PDE4D: variants seen among roughly 807,000 people sequenced by gnomAD.
PDE4D encodes the protein 3',5'-cyclic-AMP phosphodiesterase 4D.
In PDE4D, 24 loss-of-function variants were observed where a neutral mutation model predicts 87.4. The ratio of observed to expected loss-of-function variants is 0.27; its 90% CI spans 0.20 to 0.39. The LOEUF (loss-of-function observed/expected upper bound fraction) is 0.39. Among genes scored for constraint, PDE4D ranks in the 10% least tolerant of loss-of-function variants. The pLI, the probability that PDE4D is intolerant of heterozygous loss-of-function variation, is 1.00. For synonymous variants in PDE4D, 384 were observed against 383.2 expected, an observed-to-expected ratio of 1.00 and a Z score of -0.02; for missense variants, 714 against 1,041.0, an observed-to-expected ratio of 0.69 and a Z score of 4.32.
At chr5:59,602,250 T>A (rs1205049672) in intron 1 of PDE4D, among the ~76,000 whole-genome samples, 1 of 151,932 alleles carries the variant, frequency 6.6e-6, no homozygotes, top group Non-Finnish European at 1.5e-5. Context: ...CTCAACAAAT[T>A]AAGTATAGAA....
intron 1 of PDE4D, among the ~76,000 whole-genome samples, chr5:59,239,290 G>A (rs1340060856): frequency 1.3e-5 from 2 of 152,142 alleles, no homozygotes; most frequent in African/African-American, 4.8e-5. Flanking sequence ...TCACGTTGCT[G>A]AAATGCCTCC....
chr5:59,226,053 A>G (rs1753717215), intron 1 of PDE4D, among the ~76,000 whole-genome samples: 1 of 152,092 alleles, frequency 6.6e-6, no homozygotes, highest in Admixed American at 6.6e-5. Context: ...TGATGGTGGG[A>G]CTGTAAAGTG....
intron 1 of PDE4D, among the ~76,000 whole-genome samples, chr5:60,244,758 T>C (rs1226517804): frequency 6.6e-6 from 1 of 151,720 alleles, no homozygotes; most frequent in Non-Finnish European, 1.5e-5. Flanking sequence ...TGCAAAAGAG[T>C]GAAACCCAAT....
At chr5:58,997,574 A>AT (rs1266583461) in intron 6 of PDE4D, among the ~76,000 whole-genome samples, 2 of 152,018 alleles carry the variant, frequency 1.3e-5, no homozygotes, top group African/African-American at 4.8e-5. Context: ...CATTTAGTTT[A>AT]TTTTTTTAAG....
chr5:60,106,906 G>A (rs1777009158), intron 2 of PDE4D, among the ~76,000 whole-genome samples: 1 of 151,068 alleles, frequency 6.6e-6, no homozygotes, highest in Non-Finnish European at 1.5e-5. Context: ...AGAGAAAGCA[G>A]GAAAGATCCA....
At chr5:60,490,969 CT>C, upstream of PDE4D, 1 of 152,280 alleles carries the variant, frequency 6.6e-6, no homozygotes, top group South Asian at 2.1e-4. Context: ...CAGACCCATC[CT>C]GTTAGTATGT....
At chr5:59,251,224 AAC>A (rs1019883641) in intron 1 of PDE4D, among the ~76,000 whole-genome samples, 3 of 152,178 alleles carry the variant, frequency 2.0e-5, no homozygotes, top group African/African-American at 7.2e-5. Flanking sequence ...AGAAACTATC[AAC>A]AGAGTTAAAC....
chr5:60,475,166 C>A (rs1748214929), intron 1 of PDE4D, among the ~76,000 whole-genome samples: 1 of 152,072 alleles, frequency 6.6e-6, no homozygotes, highest in Admixed American at 6.6e-5. Flanking sequence ...TCCCTAAGCA[C>A]CCTGTCTTTC....
chr5:59,513,440 A>G (rs1221069633), intron 1 of PDE4D, among the ~76,000 whole-genome samples: 1 of 152,186 alleles, frequency 6.6e-6, no homozygotes, highest in Non-Finnish European at 1.5e-5. Flanking sequence ...CTTTAATGAG[A>G]AAACATTGTA....
At chr5:59,289,092 T>C (rs1222038608) in intron 1 of PDE4D, among the ~76,000 whole-genome samples, 1 of 151,934 alleles carries the variant, frequency 6.6e-6, no homozygotes, top group East Asian at 1.9e-4. Context: ...ATATCTTAAA[T>C]AGAAAGAATA....
chr5:60,153,028 T>C (rs947778690), intron 2 of PDE4D, among the ~76,000 whole-genome samples: 1 of 152,118 alleles, frequency 6.6e-6, no homozygotes, highest in African/African-American at 2.4e-5. Flanking sequence ...ACTAGACAAG[T>C]GGGACTACAT....
At chr5:59,066,883 G>A (rs1234691407) in intron 5 of PDE4D, among the ~76,000 whole-genome samples, 3 of 152,022 alleles carry the variant, frequency 2.0e-5, no homozygotes, top group Non-Finnish European at 4.4e-5. Flanking sequence ...CCCAGGAAAT[G>A]AGCCCTCACA....
At chr5:59,031,362 GATATATATAT>G (rs137969980) in intron 6 of PDE4D, among the ~76,000 whole-genome samples, 6,737 of 111,648 alleles carry the variant, frequency 0.06, 253 homozygotes, top group Middle Eastern at 0.079. Flanking sequence ...AAGAAAATGT[GATATATATAT>G]ATATATATAT....
intron 1 of PDE4D, among the ~76,000 whole-genome samples, chr5:59,293,116 C>A (rs1768361899): frequency 1.3e-5 from 2 of 152,122 alleles, no homozygotes; most frequent in African/African-American, 4.8e-5. Flanking sequence ...GAATACAATT[C>A]TCCTTAATGT....
At chr5:59,216,462 T>C (rs1177308413) in intron 1 of PDE4D, among the ~76,000 whole-genome samples, 1 of 152,172 alleles carries the variant, frequency 6.6e-6, no homozygotes, top group East Asian at 1.9e-4. Context: ...ATATTTTAAA[T>C]TCAGGTCTCC....
At chr5:59,793,617 T>C (rs1176681239) in intron 1 of PDE4D, among the ~76,000 whole-genome samples, 1 of 152,236 alleles carries the variant, frequency 6.6e-6, no homozygotes, top group Non-Finnish European at 1.5e-5. Flanking sequence ...TCATTCATAA[T>C]GGTTCAACCA....
At chr5:59,638,127 CAAAG>C (rs1045109676) in intron 1 of PDE4D, among the ~76,000 whole-genome samples, 1 of 151,628 alleles carries the variant, frequency 6.6e-6, no homozygotes, top group Non-Finnish European at 1.5e-5. Context: ...TAGGAAATGA[CAAAG>C]AAAGTAAAGT....
intron 1 of PDE4D, among the ~76,000 whole-genome samples, chr5:60,426,643 C>T (rs150729054): frequency 0.06 from 9,054 of 152,144 alleles, 373 homozygotes; most frequent in East Asian, 0.14. Flanking sequence ...AACAAACCTG[C>T]ACGCTGTGCG....
intron 6 of PDE4D, among the ~76,000 whole-genome samples, chr5:59,034,259 A>G (rs1476881670): frequency 6.6e-6 from 1 of 152,180 alleles, no homozygotes; most frequent in Non-Finnish European, 1.5e-5. Flanking sequence ...ATTATAGAAG[A>G]TATTTTCTTT....
Sources: allele counts gnomAD v4.1 joint callset (sites outside exome capture counted in the v4.1 genomes callset), GRCh38; gene constraint gnomAD v4.1.1; transcripts MANE v1.5; gene names NCBI Gene and HGNC (gene_info 2026-07-23, HGNC 2026-07-21).